LIPA: variants seen among roughly 807,000 people sequenced by gnomAD.
The protein encoded by LIPA is lysosomal acid lipase/cholesteryl ester hydrolase.
LIPA carries 26 observed loss-of-function variants against 40.6 expected under a neutral mutation model. The observed-to-expected ratio is 0.64, with a 90% confidence interval of 0.47 to 0.89. LIPA has a LOEUF of 0.89. Ranked by LOEUF, LIPA falls within the 40% of genes least tolerant of loss-of-function variation. The pLI, the probability that LIPA is intolerant of heterozygous loss-of-function variation, is 0.00. For synonymous variants in LIPA, 188 were observed against 168.4 expected (o/e 1.12, Z -0.90); for missense variants, 455 against 479.6 (o/e 0.95, Z 0.48).
chr10:89,397,278 T>C (rs1173470728), intron 2 of LIPA, among the ~76,000 whole-genome samples: 1 of 152,070 alleles, frequency 6.6e-6, no homozygotes, highest in Non-Finnish European at 1.5e-5. Context: ...GGAGATAGAT[T>C]CTGAGGAGTG....
upstream of LIPA, among the ~76,000 whole-genome samples, chr10:89,252,900 G>T (rs1843150523): frequency 6.6e-6 from 1 of 152,154 alleles, no homozygotes; most frequent in African/African-American, 2.4e-5. Context: ...CAGGCAAGGA[G>T]GTAGTTAACA....
intron 8 of LIPA, among the ~76,000 whole-genome samples, chr10:89,220,308 C>G (rs1422015282): frequency 6.6e-6 from 1 of 152,124 alleles, no homozygotes; most frequent in Non-Finnish European, 1.5e-5. Flanking sequence ...AGTCACCCTC[C>G]ATCATCTCTG....
intron 8 of LIPA, among the ~76,000 whole-genome samples, chr10:89,216,692 A>T (rs750145409): frequency 1.3e-4 from 20 of 152,346 alleles, no homozygotes; most frequent in Admixed American, 7.8e-4. Flanking sequence ...GGATATGCAT[A>T]GGCTATATGC....
rs1434612936 is a variant in LIPA at position 89,359,843 on chromosome 10, AAACACACACAC to A, written c.61+52937_61+52947del. Among the ~76,000 whole-genome samples, 1,133 of 148,386 alleles carry A rather than the reference AAACACACACAC, an allele frequency of 7.6e-3. 29 individuals are homozygous for A. In the East Asian group the frequency reaches 0.092, roughly 12 times the overall value. ...CACACACACACACACACACACACAC[AAACACACACAC>A]ACACAATGATAATGCCAACCCTAAT... On this transcript the variant is annotated intron_variant, in intron 2 of 8. Coordinates refer to the LIPA transcript ENST00000371837.
At chr10:89,284,706 C>A (rs1022049581) in intron 1 of LIPA, among the ~76,000 whole-genome samples, 5 of 152,166 alleles carry the variant, frequency 3.3e-5, no homozygotes, top group African/African-American at 1.2e-4. Context: ...CTGTGTACAC[C>A]TGTATACGCT....
chr10:89,301,158 A>G (rs1054202695), intron 1 of LIPA, among the ~76,000 whole-genome samples: 3 of 152,184 alleles, frequency 2.0e-5, no homozygotes, highest in African/African-American at 7.2e-5. Context: ...ACATTCAATA[A>G]TTTTCCCCAG....
chr10:89,392,011 T>C (rs1018155023), intron 2 of LIPA, among the ~76,000 whole-genome samples: 2 of 152,168 alleles, frequency 1.3e-5, no homozygotes, highest in African/African-American at 4.8e-5. Flanking sequence ...TAGAGGGCTC[T>C]CTATTTCAAA....
In LIPA at chr10:89,373,334, CAAAAAA is replaced by C. The variant is rs34479360; in HGVS notation, c.61+39451_61+39456del. ...TGGGCGACAGAGCGAGACTCCCTCT[CAAAAAA>C]AAAAAAAAAAAAAAAAAACTGGAAC... On this transcript the variant is annotated intron_variant, in intron 2 of 8. Transcript: ENST00000371837. Among the ~76,000 whole-genome samples, 202 of 63,144 alleles carry C rather than the reference CAAAAAA, an allele frequency of 3.2e-3. 4 individuals carry two copies. In the East Asian group the frequency reaches 0.071, roughly 22 times the overall value. The allele number at this position is 63,144 out of a possible 152,430, so 41.4% of individuals were successfully genotyped here. A position where few individuals can be genotyped will look rare whatever the true frequency, so the allele number is the denominator to read the frequency against.
chr10:89,403,929 G>A (rs1486681034), intron 2 of LIPA: 1 of 416,756 alleles, frequency 2.4e-6, no homozygotes. Context: ...TGAGTGCTAT[G>A]TAGTAGAGAA....
chr10:89,269,975 T>C (rs1843256624), intron 1 of LIPA, among the ~76,000 whole-genome samples: 1 of 152,218 alleles, frequency 6.6e-6, no homozygotes, highest in Non-Finnish European at 1.5e-5. Context: ...TTGTGTGACC[T>C]TTACTCCAAT....
At chr10:89,309,466 G>C (rs542169800) in intron 1 of LIPA, among the ~76,000 whole-genome samples, 1 of 152,308 alleles carries the variant, frequency 6.6e-6, no homozygotes, top group African/African-American at 2.4e-5. Context: ...ATGTTTCAGG[G>C]GAAGATCTAG....
chr10:89,351,396 T>C (rs952961308), intron 2 of LIPA, among the ~76,000 whole-genome samples: 3 of 152,216 alleles, frequency 2.0e-5, no homozygotes, highest in African/African-American at 7.2e-5. Flanking sequence ...GGATTTCAGA[T>C]GGCCTAATCA....
chr10:89,331,858 C>CAAAAAAAAAAAAA (rs10540155), intron 1 of LIPA, among the ~76,000 whole-genome samples: 1 of 80,608 alleles, frequency 1.2e-5, no homozygotes. Context: ...GATCCTGTCT[C>CAAAAAAAAAAAAA]AAAAAAAAAA....
chr10:89,365,757 T>C (rs1844052388), intron 2 of LIPA, among the ~76,000 whole-genome samples: 1 of 152,142 alleles, frequency 6.6e-6, no homozygotes, highest in African/African-American at 2.4e-5. Context: ...GATCAGATGG[T>C]TGTAGATGTG....
At chr10:89,245,125 A>C (rs185639617) in intron 3 of LIPA, among the ~76,000 whole-genome samples, 4 of 152,366 alleles carry the variant, frequency 2.6e-5, no homozygotes, top group Admixed American at 6.5e-5. Context: ...TAAGTAAAAA[A>C]TTCAAAGAAC....
chr10:89,384,065 C>T (rs1277302452), intron 2 of LIPA: 3 of 1,614,040 alleles, frequency 1.9e-6, no homozygotes, highest in Non-Finnish European at 2.5e-6. Context: ...TCTTCACAGG[C>T]CTATGTCTTT....
intron 1 of LIPA, chr10:89,306,801 A>G (rs1843483469): frequency 1.9e-6 from 3 of 1,613,878 alleles, no homozygotes; most frequent in Non-Finnish European, 2.5e-6. Context: ...AACAATGCCT[A>G]CCTGCATTGC....
At chr10:89,365,848 C>T (rs1407630361) in intron 2 of LIPA, among the ~76,000 whole-genome samples, 6 of 152,202 alleles carry the variant, frequency 3.9e-5, no homozygotes, top group Non-Finnish European at 8.8e-5. Context: ...GTTTTGGTTA[C>T]TGTAGCCTTG....
At chr10:89,408,143 T>C (rs1841439498) in intron 2 of LIPA, among the ~76,000 whole-genome samples, 1 of 152,120 alleles carries the variant, frequency 6.6e-6, no homozygotes, top group Admixed American at 6.5e-5. Flanking sequence ...ACCCTTGAAA[T>C]GCATCCTAAG....
Sources: allele counts gnomAD v4.1 joint callset (sites outside exome capture counted in the v4.1 genomes callset), GRCh38; gene constraint gnomAD v4.1.1; transcripts MANE v1.5; gene names NCBI Gene and HGNC (gene_info 2026-07-23, HGNC 2026-07-21).